Variants in ADGRA3 observed in about 807,000 individuals in gnomAD.
ADGRA3 encodes G-protein coupled receptor 125.
ADGRA3 carries 56 observed loss-of-function variants against 119.8 expected under a neutral mutation model. That is an observed-to-expected ratio of 0.47 (90% CI 0.38 to 0.58). ADGRA3 has a LOEUF of 0.58. Ranked by LOEUF, ADGRA3 falls within the 20% of genes least tolerant of loss-of-function variation. The pLI is 0.00. For missense variants in ADGRA3, 1,516 were observed against 1,649.0 expected (o/e 0.92, Z 1.40); for synonymous variants, 607 against 623.8 (o/e 0.97, Z 0.40).
chr4:22,439,221 T>G (rs1308260171), intron 7 of ADGRA3, among the ~76,000 whole-genome samples: 2 of 152,186 alleles, frequency 1.3e-5, no homozygotes, highest in East Asian at 3.8e-4. Context: ...ACCAGTTACC[T>G]CCCTAAAAAG....
At chr4:22,468,769 A>C (rs867713968) in intron 2 of ADGRA3, among the ~76,000 whole-genome samples, 1 of 139,406 alleles carries the variant, frequency 7.2e-6, no homozygotes, top group Non-Finnish European at 1.5e-5. Context: ...ACTCTGTCTC[A>C]AAAAAAAAAA....
intron 12 of ADGRA3, among the ~76,000 whole-genome samples, chr4:22,415,189 CT>C (rs1385599928): frequency 6.6e-6 from 1 of 152,120 alleles, no homozygotes; most frequent in Non-Finnish European, 1.5e-5. Flanking sequence ...GTTCCTACCA[CT>C]TGCATTTGAT....
At chr4:22,454,735 C>G in intron 4 of ADGRA3, 131 bp downstream of exon 4, 1 of 673,060 alleles carries the variant, frequency 1.5e-6, no homozygotes, top group South Asian at 1.6e-5. Flanking sequence ...AAATTGTGAG[C>G]TCCTTGTCCC....
chr4:22,392,959 C>T (rs1714197411), intron 16 of ADGRA3: 1 of 321,808 alleles, frequency 3.1e-6, no homozygotes, highest in Admixed American at 4.6e-5. Flanking sequence ...CAGGACAGAA[C>T]TGGCTCCCAG....
At chr4:22,478,372 G>C (rs924167266) in intron 1 of ADGRA3, 3 of 152,178 alleles carry the variant, frequency 2.0e-5, no homozygotes, top group Non-Finnish European at 4.4e-5. Flanking sequence ...AGAATGGAGT[G>C]AATCATGGAA....
At chr4:22,460,745 G>A (rs1218575647) in intron 3 of ADGRA3, among the ~76,000 whole-genome samples, 2 of 152,108 alleles carry the variant, frequency 1.3e-5, no homozygotes, top group African/African-American at 4.8e-5. Context: ...TTTGTTAGAG[G>A]TCCAAGCTGA....
intron 10 of ADGRA3, among the ~76,000 whole-genome samples, chr4:22,432,673 T>C (rs1716235410): frequency 1.3e-5 from 2 of 152,176 alleles, no homozygotes; most frequent in Non-Finnish European, 2.9e-5. Flanking sequence ...ATCACTTTAG[T>C]AAATACATAA....
At chr4:22,396,905 C>A (rs1577321832) in intron 16 of ADGRA3, among the ~76,000 whole-genome samples, 1 of 152,170 alleles carries the variant, frequency 6.6e-6, no homozygotes, top group Non-Finnish European at 1.5e-5. Flanking sequence ...ACAACAGCGT[C>A]TTTCCATTCA....
intron 16 of ADGRA3, among the ~76,000 whole-genome samples, chr4:22,400,500 A>G (rs1714570182): frequency 6.6e-6 from 1 of 152,174 alleles, no homozygotes; most frequent in African/African-American, 2.4e-5. Context: ...CACAACTCAT[A>G]GAAGCCAAGA....
chr4:22,473,700 T>C (rs898415212), intron 2 of ADGRA3, 72 bp downstream of exon 2: 11 of 886,424 alleles, frequency 1.2e-5, no homozygotes, highest in South Asian at 6.4e-5. Flanking sequence ...TAGTCACAGA[T>C]TTACAATGAA....
chr4:22,447,231 G>T (rs1202519965), intron 5 of ADGRA3, among the ~76,000 whole-genome samples: 1 of 151,976 alleles, frequency 6.6e-6, no homozygotes, highest in African/African-American at 2.4e-5. Flanking sequence ...GAGTAATATG[G>T]TATCCTAAGG....
intron 1 of ADGRA3, among the ~76,000 whole-genome samples, chr4:22,477,240 T>C (rs775554421): frequency 2.6e-5 from 4 of 152,124 alleles, no homozygotes; most frequent in Non-Finnish European, 5.9e-5. Context: ...CTAAAAGTAG[T>C]GCAAATAACA....
chr4:22,499,859 T>C (rs552076638), intron 1 of ADGRA3, among the ~76,000 whole-genome samples: 1 of 152,326 alleles, frequency 6.6e-6, no homozygotes, highest in Admixed American at 6.5e-5. Context: ...TAATATGCAC[T>C]AGGTAAAAAT....
intron 12 of ADGRA3, among the ~76,000 whole-genome samples, chr4:22,419,273 A>C (rs1715552516): frequency 6.6e-6 from 1 of 152,118 alleles, no homozygotes; most frequent in Non-Finnish European, 1.5e-5. Context: ...ATGCAAAGAA[A>C]GAGCAAAAAC....
chr4:22,513,564 T>C (rs1577394513), intron 1 of ADGRA3, among the ~76,000 whole-genome samples: 1 of 150,952 alleles, frequency 6.6e-6, no homozygotes, highest in Non-Finnish European at 1.5e-5. Context: ...TAGGCTGGAG[T>C]GCAGTGGTGC....
intron 1 of ADGRA3, among the ~76,000 whole-genome samples, chr4:22,484,605 CAAA>C (rs200272320): frequency 8.1e-5 from 8 of 98,858 alleles, no homozygotes; most frequent in Non-Finnish European, 1.5e-4. Flanking sequence ...ACCCTGTTTC[CAAA>C]AAAAAAAAAA....
chr4:22,464,612 G>A (rs1476879782), intron 2 of ADGRA3, among the ~76,000 whole-genome samples: 1 of 152,210 alleles, frequency 6.6e-6, no homozygotes, highest in East Asian at 1.9e-4. Context: ...CAGCATGGCA[G>A]CGCTCACGCC....
chr4:22,401,231 G>A (rs1331243326), intron 16 of ADGRA3, among the ~76,000 whole-genome samples, 200 bp downstream of exon 16: 1 of 152,192 alleles, frequency 6.6e-6, no homozygotes, highest in Non-Finnish European at 1.5e-5. Flanking sequence ...GGGATGAGCT[G>A]TTTAAGTTAT....
chr4:22,509,844 A>G (rs1719382363), intron 1 of ADGRA3, among the ~76,000 whole-genome samples: 1 of 151,732 alleles, frequency 6.6e-6, no homozygotes, highest in Non-Finnish European at 1.5e-5. Flanking sequence ...CCCCGTCTCT[A>G]CTAAAAATAC....
Sources: allele counts gnomAD v4.1 joint callset (sites outside exome capture counted in the v4.1 genomes callset), GRCh38; gene constraint gnomAD v4.1.1; transcripts MANE v1.5; gene names NCBI Gene and HGNC (gene_info 2026-07-23, HGNC 2026-07-21).